The following PIEZO2 variants were observed in gnomAD, a reference collection of about 807,000 sequenced individuals.
The protein encoded by PIEZO2 is piezo-type mechanosensitive ion channel component 2.
A neutral mutation model predicts 337.3 loss-of-function variants in PIEZO2; 172 were observed. The observed-to-expected ratio is 0.51, with a 90% confidence interval of 0.45 to 0.58. The LOEUF is 0.58. Ranked by LOEUF, PIEZO2 falls within the 20% of genes least tolerant of loss-of-function variation. The pLI, the probability that PIEZO2 is intolerant of heterozygous loss-of-function variation, is 0.00. For synonymous variants in PIEZO2, 1,251 were observed against 1,228.5 expected, an observed-to-expected ratio of 1.02 and a Z score of -0.38; for missense variants, 3,028 against 3,391.3, an observed-to-expected ratio of 0.89 and a Z score of 2.66.
In PIEZO2 at chr18:10,775,681, A is replaced by C. The variant is rs145715054; in HGVS notation, c.2535-1643T>G. ...AACTGCCATGCCACAGGCAGGGTGC[A>C]TTGAGGAGAGATCGTTCAATGAAAG... On this transcript the variant is annotated intron_variant, in intron 18 of 55. Coordinates refer to ENST00000674853, the MANE Select transcript of PIEZO2 (RefSeq NM_001378183.1). The surrounding 1 kb of genome is among the most constrained non-coding windows in gnomAD (Gnocchi z 4.3). 2.6e-5 allele frequency among the ~76,000 whole-genome samples: 4 copies of C among 152,356 alleles called. No individual in the cohort carries two copies. Among genetic ancestry groups the C allele is most frequent in the Non-Finnish European group, 5.9e-5 (4 of 68,036 alleles).
chr18:10,908,283 T>C (rs1418688519), intron 4 of PIEZO2: 1 of 152,246 alleles, frequency 6.6e-6, no homozygotes, highest in Non-Finnish European at 1.5e-5. Flanking sequence ...TTTTTTATTC[T>C]TGGAGAAAAA....
intron 3 of PIEZO2, among the ~76,000 whole-genome samples, chr18:10,965,980 C>T (rs962773913): frequency 2.0e-5 from 3 of 151,976 alleles, no homozygotes; most frequent in Non-Finnish European, 4.4e-5. Flanking sequence ...TACAGATTCC[C>T]GTAAATGTTT....
intron 32 of PIEZO2, 43 bp downstream of exon 32, chr18:10,742,451 T>C (rs2037261314): frequency 1.3e-6 from 2 of 1,532,116 alleles, no homozygotes; most frequent in African/African-American, 1.4e-5. Context: ...CATGCTATTA[T>C]TCAATGTTAA....
intron 13 of PIEZO2, among the ~76,000 whole-genome samples, chr18:10,792,130 G>A (rs1176752145): frequency 5.9e-5 from 9 of 152,114 alleles, no homozygotes; most frequent in Admixed American, 5.9e-4. Flanking sequence ...TATTCTTTTA[G>A]TAGAGACGGG....
At chr18:10,876,477 C>G (rs2042271758) in intron 4 of PIEZO2, among the ~76,000 whole-genome samples, 1 of 152,146 alleles carries the variant, frequency 6.6e-6, no homozygotes, top group Non-Finnish European at 1.5e-5. Context: ...GGAAACTATA[C>G]TAATGTACAT....
intron 3 of PIEZO2, among the ~76,000 whole-genome samples, chr18:10,939,284 A>G (rs1026930775): frequency 1.4e-4 from 21 of 152,212 alleles, no homozygotes; most frequent in Admixed American, 1.2e-3. Context: ...CAAAAGTGGT[A>G]CCTGTCTAAT....
At position 10,671,473 on chromosome 18, in the gene PIEZO2, G is replaced by C. The variant is rs2033770339; in HGVS notation, c.*54C>G. 2 of 1,538,416 alleles carry C rather than the reference G, an allele frequency of 1.3e-6. No individual in the cohort carries two copies. Among genetic ancestry groups the C allele is most frequent in the Admixed American group, 1.9e-5 (1 of 52,526 alleles). ...TGCTTAGCTCTTATGAGAATATTGTGCTTTTAAAAAAAATTCAAATGTTAA... is the reference window on the plus strand; with the variant it reads ...TGCTTAGCTCTTATGAGAATATTGTCCTTTTAAAAAAAATTCAAATGTTAA... On this transcript the variant is annotated 3_prime_UTR_variant, in exon 56 of 56. Coordinates refer to ENST00000674853, the MANE Select transcript of PIEZO2 (RefSeq NM_001378183.1).
intron 3 of PIEZO2, among the ~76,000 whole-genome samples, chr18:10,947,845 T>C (rs997600596): frequency 7.2e-5 from 11 of 152,188 alleles, no homozygotes; most frequent in African/African-American, 2.2e-4. Flanking sequence ...AATGCTAGTA[T>C]ACTATTGCAA....
At chr18:10,963,589 A>G (rs767165427) in intron 3 of PIEZO2, among the ~76,000 whole-genome samples, 2 of 152,232 alleles carry the variant, frequency 1.3e-5, no homozygotes, top group Non-Finnish European at 2.9e-5. Flanking sequence ...AATAGATGGC[A>G]GTACTTTTCC....
At chr18:10,814,900 G>C (rs1270276427) in intron 7 of PIEZO2, among the ~76,000 whole-genome samples, 1 of 152,154 alleles carries the variant, frequency 6.6e-6, no homozygotes, top group Non-Finnish European at 1.5e-5. Flanking sequence ...CTGTAAGCGA[G>C]TCCTGGTTCA....
chr18:10,967,643 C>G (rs8099544), intron 3 of PIEZO2, among the ~76,000 whole-genome samples: 78,653 of 151,948 alleles, frequency 0.52, 20,696 homozygotes, highest in African/African-American at 0.58. Flanking sequence ...TGTTGTAGGA[C>G]TGAAGTGGTA....
intron 36 of PIEZO2, among the ~76,000 whole-genome samples, chr18:10,721,524 T>TA (rs145513631): frequency 0.046 from 6,946 of 152,158 alleles, 519 homozygotes; most frequent in African/African-American, 0.16. Context: ...CAAATTTTTG[T>TA]TCTGATCCAA....
intron 21 of PIEZO2, among the ~76,000 whole-genome samples, chr18:10,768,500 C>T (rs1163943869): frequency 6.6e-6 from 1 of 152,216 alleles, no homozygotes; most frequent in African/African-American, 2.4e-5. Flanking sequence ...GGGGTGACAT[C>T]ACGCACAACA....
chr18:10,892,718 CAA>C (rs1203238613), intron 4 of PIEZO2, among the ~76,000 whole-genome samples: 2 of 151,910 alleles, frequency 1.3e-5, no homozygotes, highest in Non-Finnish European at 2.9e-5. Flanking sequence ...TAGCATGAAA[CAA>C]TAAAGACCGC....
At chr18:11,086,443 CG>C in intron 1 of PIEZO2, among the ~76,000 whole-genome samples, 1 of 151,108 alleles carries the variant, frequency 6.6e-6, no homozygotes, top group African/African-American at 2.4e-5. Flanking sequence ...GGCCTGAACC[CG>C]GGAGGCGGAG....
rs142754079 is a variant in PIEZO2, at chr18:10,834,862, T to C, written c.917+20491A>G. Among the ~76,000 whole-genome samples the C allele has an allele frequency of 5.7e-3, 873 of 152,354 alleles. 3 individuals are homozygous for C. The highest frequency in any genetic ancestry group is 0.027 in the Middle Eastern group (8 of 294). ...TTTCCCACACCTGCCTCCATCACTC[T>C]CACTTTCACAAGGGCGTGATCATAA... On this transcript the variant is annotated intron_variant, in intron 7 of 55. Transcript: ENST00000674853. The surrounding 1 kb of genome is among the most constrained non-coding windows in gnomAD (Gnocchi z 4.5).
chr18:11,141,913 T>C (rs1009218510), intron 1 of PIEZO2, among the ~76,000 whole-genome samples: 1 of 152,296 alleles, frequency 6.6e-6, no homozygotes, highest in East Asian at 1.9e-4. Context: ...AAAGCCTAAG[T>C]AGTTTCTGCA....
chr18:10,799,603 AG>A (rs2039731801), intron 11 of PIEZO2, among the ~76,000 whole-genome samples: 1 of 152,200 alleles, frequency 6.6e-6, no homozygotes, highest in Non-Finnish European at 1.5e-5. Flanking sequence ...AACAACTGAA[AG>A]AAAAGGGAGA....
In PIEZO2 at chr18:10,795,059, C is replaced by G. The variant is rs7236576; in HGVS notation, c.1528-57G>C. Reference sequence around the variant, plus strand: ...GGTCAATACAATGCTCAGTCCCCCCCGCCCTGGTAAGGTAAAAACTATCTA... The same window carrying G: ...GGTCAATACAATGCTCAGTCCCCCCGGCCCTGGTAAGGTAAAAACTATCTA... On this transcript the variant is annotated intron_variant, in intron 12 of 55. Coordinates refer to ENST00000674853, the MANE Select transcript of PIEZO2 (RefSeq NM_001378183.1). The surrounding 1 kb of genome is among the most constrained non-coding windows in gnomAD (Gnocchi z 4.4). 0.14 allele frequency: 195,739 copies of G among 1,381,928 alleles called. 17,179 individuals are homozygous for G. Among genetic ancestry groups the G allele is most frequent in the East Asian group, 0.39 (15,632 of 39,982 alleles). 85.6% of individuals were successfully genotyped at this position (1,381,928 alleles called of 1,614,324 possible).
Sources: gnomAD v4.1 joint callset for allele counts (sites outside exome capture counted in the v4.1 genomes callset) on GRCh38, gnomAD v4.1.1 for gene constraint, Gnocchi (gnomAD v3.1) non-coding constraint, MANE v1.5 for transcripts, NCBI Gene and HGNC (gene_info 2026-07-23, HGNC 2026-07-21) for gene names.